Variants in PCDHGA1 observed in about 807,000 individuals in gnomAD.
PCDHGA1 encodes the protein protocadherin gamma subfamily A, 1, also known as protocadherin gamma-A1.
PCDHGA1 carries 32 observed loss-of-function variants against 58.0 expected under a neutral mutation model. The observed-to-expected ratio is 0.55, with a 90% confidence interval of 0.42 to 0.74. PCDHGA1 has a LOEUF of 0.74. Ranked by LOEUF, PCDHGA1 falls within the 30% of genes least tolerant of loss-of-function variation. PCDHGA1 has a pLI of 0.00. For synonymous variants in PCDHGA1, 498 were observed against 501.1 expected (o/e 0.99, Z 0.08); for missense variants, 1,205 against 1,182.3 (o/e 1.02, Z -0.28).
At chr5:141,383,983 C>G (rs769557615) in intron 1 of PCDHGA1, 1 of 1,613,794 alleles carries the variant, frequency 6.2e-7, no homozygotes, top group Non-Finnish European at 8.5e-7. Flanking sequence ...AGACACACCT[C>G]TTGGGACAGT....
chr5:141,366,178 CTT>C lies in PCDHGA1; in HGVS notation c.2421+33075_2421+33076del, dbSNP rs35325687. On this transcript the variant is annotated intron_variant, in intron 1 of 3. Coordinates refer to ENST00000517417, the MANE Select transcript of PCDHGA1 (RefSeq NM_018912.3). Reference sequence around the variant, plus strand: ...TGCTTAAGGCCAGCGAGCCAGGACTCTTTGCGGTTGGGCTGCACACGGGCGAG... The same window carrying C: ...TGCTTAAGGCCAGCGAGCCAGGACTCTGCGGTTGGGCTGCACACGGGCGAG... The C allele has an allele frequency of 1.5e-5, 24 of 1,613,926 alleles. No homozygotes were observed. In the Admixed American group the frequency reaches 3.5e-4, roughly 24 times the overall value.
intron 1 of PCDHGA1, chr5:141,371,522 T>C: frequency 3.1e-6 from 5 of 1,613,848 alleles, no homozygotes; most frequent in Non-Finnish European, 4.2e-6. Context: ...ATCTAGATTC[T>C]GGATTTAATG....
intron 1 of PCDHGA1, chr5:141,418,042 G>A: frequency 6.2e-7 from 1 of 1,614,014 alleles, no homozygotes; most frequent in South Asian, 1.1e-5. Context: ...TCCTGGATGT[G>A]TCGGCTCGCG....
At chr5:141,368,863 T>C (rs1765900846) in intron 1 of PCDHGA1, among the ~76,000 whole-genome samples, 1 of 152,218 alleles carries the variant, frequency 6.6e-6, no homozygotes, top group African/African-American at 2.4e-5. Context: ...TTGGAATGTT[T>C]TGGAGCAAAG....
rs1188707468 is a variant in PCDHGA1 at position 141,384,157 on chromosome 5, A to G, written c.2421+51052A>G. The G allele has an allele frequency of 8.7e-6, 14 of 1,613,580 alleles. No individual in the cohort carries two copies. The highest frequency in any genetic ancestry group is 1.1e-5 in the South Asian group (1 of 91,054). ...CCGGGAAACACTCTCTTTGTATAAC[A>G]TCACACTGAAAGCCACAGATGGTGG... On this transcript the variant is annotated intron_variant, in intron 1 of 3. Coordinates refer to ENST00000517417, the MANE Select transcript of PCDHGA1 (RefSeq NM_018912.3).
Position 141,360,032 on chromosome 5 carries a change from T to A in PCDHGA1, c.2421+26927T>A, listed in dbSNP as rs112657435. 771 of 1,390,572 alleles carry A rather than the reference T, an allele frequency of 5.5e-4. 6 individuals are homozygous for A. In the East Asian group the frequency reaches 0.015, roughly 27 times the overall value. The allele number at this position is 1,390,572 out of a possible 1,614,324, so 86.1% of individuals were successfully genotyped here. A position where few individuals can be genotyped will look rare whatever the true frequency, so the allele number is the denominator to read the frequency against. The stretch of plus-strand genomic sequence containing the variant: ...CCACACAGAGAAGGCCAGTATAGAT[T>A]CGGAAACAGAAAACAAAAGCAGGAA... On this transcript the variant is annotated intron_variant, in intron 1 of 3. Transcript: ENST00000517417.
chr5:141,365,924 G>T, intron 1 of PCDHGA1: 1 of 1,614,212 alleles, frequency 6.2e-7, no homozygotes, highest in Non-Finnish European at 8.5e-7. Flanking sequence ...ACAGTTGTGG[G>T]TGACAGCCAG....
At position 141,489,664 on chromosome 5, in the gene PCDHGA1, A is replaced by G. The variant is rs745597010; in HGVS notation, c.2422-5143A>G. On this transcript the variant is annotated intron_variant, in intron 1 of 3. Transcript: ENST00000517417. The surrounding 1 kb of genome is among the most constrained non-coding windows in gnomAD (Gnocchi z 4.5). ...TGCCACCCCTGAGCGAGAGATGCGCATCTCAGAATCAGCAGCATCTGGGGC... is the reference window on the plus strand; with the variant it reads ...TGCCACCCCTGAGCGAGAGATGCGCGTCTCAGAATCAGCAGCATCTGGGGC... 1 of 1,614,106 alleles carries G rather than the reference A, an allele frequency of 6.2e-7. No homozygotes were observed. The highest frequency in any genetic ancestry group is 8.5e-7 in the Non-Finnish European group (1 of 1,180,050).
chr5:141,355,435 C>T (rs1759852915), intron 1 of PCDHGA1: 7 of 1,614,106 alleles, frequency 4.3e-6, no homozygotes, highest in Non-Finnish European at 5.9e-6. Context: ...CGCCCTGAAC[C>T]CGCGCAGCGG....
chr5:141,347,398 GC>G (rs1210015991), intron 1 of PCDHGA1, among the ~76,000 whole-genome samples: 2 of 151,916 alleles, frequency 1.3e-5, no homozygotes, highest in African/African-American at 2.4e-5. Context: ...CAAGTGATCT[GC>G]CCACGTCAGC....
chr5:141,398,286 C>T (rs1338652897), intron 1 of PCDHGA1: 1 of 1,395,846 alleles, frequency 7.2e-7, no homozygotes, highest in South Asian at 1.3e-5. Context: ...TCGCCACGGA[C>T]CTGGGGTTCA....
chr5:141,450,220 G>A (rs898186696), intron 1 of PCDHGA1, among the ~76,000 whole-genome samples: 12 of 151,956 alleles, frequency 7.9e-5, no homozygotes, highest in African/African-American at 2.9e-4. Flanking sequence ...GTTTCACTAT[G>A]TTGGCCAGGC....
chr5:141,413,139 C>A, intron 1 of PCDHGA1: 1 of 1,553,028 alleles, frequency 6.4e-7, no homozygotes. Context: ...ACAACGTGTC[C>A]AGTGAGGACT....
At chr5:141,400,799 G>C (rs2094077749) in intron 1 of PCDHGA1, 1 of 553,376 alleles carries the variant, frequency 1.8e-6, no homozygotes, top group Non-Finnish European at 3.2e-6. Flanking sequence ...CTTTCTCAAA[G>C]CTAATGAATT....
chr5:141,494,818 C>T lies in PCDHGA1; in HGVS notation c.2433C>T (p.Pro811=). The part of the protein sequence containing the change: ...KKEPFSQQAP[P]NTDWRFSQAQ... ...TGTTTTCTCCACAGCAAGCCCCGCCCAACACGGACTGGCGTTTCTCTCAGG... is the reference window on the plus strand; with the variant it reads ...TGTTTTCTCCACAGCAAGCCCCGCCTAACACGGACTGGCGTTTCTCTCAGG... Residue 811 remains proline (P), a synonymous_variant, in exon 2 of 4, where the codon CCC becomes CCT. Transcript: ENST00000517417. 1.9e-6 allele frequency: 3 copies of T among 1,614,152 alleles called. No homozygotes were observed. The highest frequency in any genetic ancestry group is 2.2e-5 in the South Asian group (2 of 91,074).
intron 1 of PCDHGA1, chr5:141,417,493 G>A (rs1463793261): frequency 4.7e-6 from 1 of 214,978 alleles, no homozygotes; most frequent in East Asian, 1.1e-4. Context: ...GAATCACTGA[G>A]GAAAAAGATT....
Position 141,490,509 on chromosome 5 carries a change from G to A in PCDHGA1, c.2422-4298G>A. 6.2e-7 allele frequency: 1 copy of A among 1,614,072 alleles called. No individual in the cohort carries two copies. On this transcript the variant is annotated intron_variant, in intron 1 of 3. Transcript: ENST00000517417. The surrounding 1 kb of genome is among the most constrained non-coding windows in gnomAD (Gnocchi z 5.4). ...AGGCCACATCCCACTATATCATCGA[G>A]CTGCTGGCCAGCGATGCTGGTTCAC...
rs780395794 is a variant in PCDHGA1, at chr5:141,489,685, G to A, written c.2422-5122G>A. ...GCGCATCTCAGAATCAGCAGCATCT[G>A]GGGCACGATTCCCACTGGACAGTGC... On this transcript the variant is annotated intron_variant, in intron 1 of 3. Coordinates refer to ENST00000517417, the MANE Select transcript of PCDHGA1 (RefSeq NM_018912.3). The surrounding 1 kb of genome is among the most constrained non-coding windows in gnomAD (Gnocchi z 4.5). 10 of 1,614,142 alleles carry A rather than the reference G, an allele frequency of 6.2e-6. No individual in the cohort carries two copies. The South Asian group carries it at 1.1e-4, about 18-fold the overall frequency.
At chr5:141,433,849 A>AC (rs1304649814) in intron 1 of PCDHGA1, among the ~76,000 whole-genome samples, 10 of 152,030 alleles carry the variant, frequency 6.6e-5, no homozygotes, top group Admixed American at 1.3e-4. Flanking sequence ...AAAAAAAAAA[A>AC]AAAAAACTTT....
Sources: allele counts gnomAD v4.1 joint callset (sites outside exome capture counted in the v4.1 genomes callset), GRCh38; gene constraint gnomAD v4.1.1; non-coding constraint Gnocchi (gnomAD v3.1); transcripts MANE v1.5; gene names NCBI Gene and HGNC (gene_info 2026-07-23, HGNC 2026-07-21).